LARGE1: variants seen among roughly 807,000 people sequenced by gnomAD.
The protein encoded by LARGE1 is xylosyl- and glucuronyltransferase LARGE1.
A neutral mutation model predicts 87.6 loss-of-function variants in LARGE1; 43 were observed. The observed-to-expected ratio is 0.49, with a 90% CI of 0.38 to 0.63. The LOEUF is 0.63. Among genes scored for constraint, LARGE1 ranks in the 30% least tolerant of loss-of-function variants. LARGE1 has a pLI of 0.00. For synonymous variants in LARGE1, 434 were observed against 394.6 expected, an observed-to-expected ratio of 1.10 and a Z score of -1.18; for missense variants, 802 against 1,000.2, an observed-to-expected ratio of 0.80 and a Z score of 2.67.
Position 33,274,593 on chromosome 22 carries a change from T to A in LARGE1, c.2105A>T (p.Tyr702Phe), listed in dbSNP as rs778076605. ...EYEFIVLPNA[Y>F]MIHMPHAPSF... The stretch of plus-strand genomic sequence containing the variant: ...GGGGGCATGAGGCATGTGGATCATG[T>A]AGGCGTTGGGCAGCACAATGAACTC... Residue 702 changes from tyrosine to phenylalanine, a missense_variant, in exon 15 of 15, where the codon TAC becomes TTC. Transcript: ENST00000397394. 12 of 1,613,998 alleles carry A rather than the reference T, an allele frequency of 7.4e-6. No homozygotes were observed. In the South Asian group the frequency reaches 1.1e-4, roughly 15 times the overall value.
At chr22:33,314,308 C>T (rs1297947523) in intron 11 of LARGE1, among the ~76,000 whole-genome samples, 1 of 152,172 alleles carries the variant, frequency 6.6e-6, no homozygotes, top group African/African-American at 2.4e-5. Context: ...AGACCGCCGG[C>T]CCCTGAAGCC....
intron 11 of LARGE1, among the ~76,000 whole-genome samples, chr22:33,221,332 C>G (rs915601472): frequency 6.6e-6 from 1 of 152,144 alleles, no homozygotes; most frequent in African/African-American, 2.4e-5. Flanking sequence ...TCTCAATTCT[C>G]TCTCTCCTGC....
At chr22:33,421,251 A>G (rs967255049) in intron 7 of LARGE1, among the ~76,000 whole-genome samples, 1 of 152,066 alleles carries the variant, frequency 6.6e-6, no homozygotes, top group African/African-American at 2.4e-5. Context: ...TCAATAAAGG[A>G]GTGGGAAAAT....
chr22:33,159,819 C>T (rs1356222033), downstream of LARGE1, among the ~76,000 whole-genome samples: 2 of 151,624 alleles, frequency 1.3e-5, no homozygotes, highest in African/African-American at 2.4e-5. Context: ...GATCTCCTGA[C>T]CTTATGATCC....
intron 1 of LARGE1, among the ~76,000 whole-genome samples, chr22:33,885,936 A>G (rs2064831714): frequency 6.6e-6 from 1 of 152,148 alleles, no homozygotes; most frequent in Non-Finnish European, 1.5e-5. Flanking sequence ...AGGCTAGGGT[A>G]TGAGAATTGC....
chr22:33,385,064 C>T (rs183373556), intron 7 of LARGE1, among the ~76,000 whole-genome samples: 1 of 148,720 alleles, frequency 6.7e-6, no homozygotes, highest in African/African-American at 2.4e-5. Context: ...CCCATCCACG[C>T]TGGGTCTTTA....
At chr22:33,120,387 TTTCTTTCTTTCTTTCTTTCTTTCC>T in the LARGE1 span, among the ~76,000 whole-genome samples, 1 of 96,918 alleles carries the variant, frequency 1.0e-5, no homozygotes, top group Non-Finnish European at 2.0e-5. Context: ...TCTTTCTTTC[TTTCTTTCTTTCTTTCTTTCTTTCC>T]TTCTTTCTTT....
At chr22:33,503,183 G>C (rs1034794181) in intron 6 of LARGE1, among the ~76,000 whole-genome samples, 28 of 151,978 alleles carry the variant, frequency 1.8e-4, no homozygotes, top group African/African-American at 6.8e-4. Context: ...CAAAAATGCA[G>C]TGAAGAACAG....
At chr22:33,476,463 T>A (rs2069084343) in intron 6 of LARGE1, among the ~76,000 whole-genome samples, 1 of 152,210 alleles carries the variant, frequency 6.6e-6, no homozygotes, top group Non-Finnish European at 1.5e-5. Context: ...ATGCACATCT[T>A]ATACATATTG....
At chr22:33,168,064 T>C (rs1341769925) in intron 11 of LARGE1, among the ~76,000 whole-genome samples, 2 of 152,148 alleles carry the variant, frequency 1.3e-5, no homozygotes, top group Non-Finnish European at 2.9e-5. Flanking sequence ...GTGAACTTTC[T>C]CCAGGAGTTC....
At chr22:33,099,126 C>A in the LARGE1 span, among the ~76,000 whole-genome samples, 41 of 152,170 alleles carry the variant, frequency 2.7e-4, no homozygotes, top group East Asian at 6.4e-3. Context: ...AGGGTCCCAG[C>A]CAGAGAGCCT....
rs1214783791 is a variant in LARGE1 at position 33,337,659 on chromosome 22, A to T, written c.1274T>A (p.Val425Asp). The change falls in exon 10 of 15, where the codon GTC (valine) becomes GAC (aspartate). Residue 425 changes from valine to aspartate, a missense_variant. By Grantham distance (152) the Val-to-Asp change is radical. Coordinates refer to ENST00000397394, the MANE Select transcript of LARGE1 (RefSeq NM_133642.5). The part of the protein sequence containing the change: ...ELFGCPSEAD[V>D]NSENLQKQLS... ...CGAGCCACTTACGTTTTCACTGTTG[A>T]CATCAGCCTCACTGGGGCAGCCAAA... 2 of 1,613,962 alleles carry T rather than the reference A, an allele frequency of 1.2e-6. No homozygotes were observed. The highest frequency in any genetic ancestry group is 1.7e-6 in the Non-Finnish European group (2 of 1,180,028).
intron 5 of LARGE1, among the ~76,000 whole-genome samples, chr22:33,590,503 G>A (rs2078804921): frequency 6.6e-6 from 1 of 152,212 alleles, no homozygotes; most frequent in Non-Finnish European, 1.5e-5. Context: ...AACCACAGCA[G>A]TCACTTTATA....
the LARGE1 span, among the ~76,000 whole-genome samples, chr22:33,143,572 G>A: frequency 6.6e-6 from 1 of 152,040 alleles, no homozygotes; most frequent in African/African-American, 2.4e-5. Flanking sequence ...TGAGTACAGA[G>A]CACTTTCTAA....
the LARGE1 span, among the ~76,000 whole-genome samples, chr22:33,098,758 G>A: frequency 6.6e-6 from 1 of 152,216 alleles, no homozygotes; most frequent in Non-Finnish European, 1.5e-5. Flanking sequence ...AAAGTGGAAA[G>A]TTCTGAGGAA....
intron 1 of LARGE1, among the ~76,000 whole-genome samples, chr22:33,902,691 A>G (rs16993257): frequency 0.049 from 7,473 of 152,308 alleles, 629 homozygotes; most frequent in African/African-American, 0.17. Flanking sequence ...AGATATGTAC[A>G]TGTTTTTCAA....
At chr22:33,103,115 T>C in the LARGE1 span, among the ~76,000 whole-genome samples, 1 of 151,942 alleles carries the variant, frequency 6.6e-6, no homozygotes, top group Non-Finnish European at 1.5e-5. Context: ...CTAGGTTATG[T>C]GAGATGACAC....
intron 6 of LARGE1, among the ~76,000 whole-genome samples, chr22:33,436,162 G>A (rs2267206): frequency 0.18 from 27,329 of 152,070 alleles, 2,713 homozygotes; most frequent in Admixed American, 0.31. Flanking sequence ...CTGCGTAGCC[G>A]TGAAAAAAAT....
chr22:33,412,481 C>T (rs947907802), intron 7 of LARGE1, among the ~76,000 whole-genome samples: 7 of 152,164 alleles, frequency 4.6e-5, no homozygotes, highest in South Asian at 2.1e-4. Flanking sequence ...ATGTGCAGCA[C>T]GACCCCACTG....
Sources: allele counts gnomAD v4.1 joint callset (sites outside exome capture counted in the v4.1 genomes callset), GRCh38; gene constraint gnomAD v4.1.1; transcripts MANE v1.5; gene names NCBI Gene and HGNC (gene_info 2026-07-23, HGNC 2026-07-21).